PDE3A: variants seen among roughly 807,000 people sequenced by gnomAD.
PDE3A encodes the protein cGMP-inhibited 3',5'-cyclic phosphodiesterase 3A.
Under a neutral mutation model 98.3 loss-of-function variants are expected in PDE3A, and 43 were observed. The ratio of observed to expected loss-of-function variants is 0.44; its 90% confidence interval spans 0.34 to 0.56. The LOEUF (loss-of-function observed/expected upper bound fraction) is 0.56. Ranked by LOEUF, PDE3A falls within the 20% of genes least tolerant of loss-of-function variation. The probability of loss-of-function intolerance (pLI) is 0.01; values close to 1 mark genes in which losing one functional copy is unlikely to be tolerated. For synonymous variants in PDE3A, 663 were observed against 567.9 expected (o/e 1.17, Z -2.38); for missense variants, 1,427 against 1,440.7 (o/e 0.99, Z 0.15).
chr12:20,449,915 A>G (rs11045253), intron 1 of PDE3A: 207,872 of 761,088 alleles, frequency 0.27, 37,549 homozygotes, highest in Non-Finnish European at 0.28. Context: ...TTGAATGGGA[A>G]CTCTGCTGGA....
At chr12:20,596,564 G>A (rs964251820) in intron 2 of PDE3A, among the ~76,000 whole-genome samples, 23 of 152,082 alleles carry the variant, frequency 1.5e-4, no homozygotes, top group African/African-American at 4.8e-4. Context: ...AAATGAAGAC[G>A]GATGCCTTCC....
chr12:20,394,691 G>T (rs1943976124), intron 1 of PDE3A, among the ~76,000 whole-genome samples: 1 of 151,982 alleles, frequency 6.6e-6, no homozygotes, highest in Admixed American at 6.6e-5. Flanking sequence ...AATAAAACAT[G>T]CAAGAACTTG....
chr12:20,675,845 TTCTA>T (rs1246231844), intron 15 of PDE3A, among the ~76,000 whole-genome samples: 2 of 152,188 alleles, frequency 1.3e-5, no homozygotes. Context: ...TATCTGTCTT[TTCTA>T]TCTTTTACTT....
rs1313865956 is a variant in PDE3A at position 20,684,543 on chromosome 12, CT to C, written c.*4275del. Among the ~76,000 whole-genome samples, 2 of 152,154 alleles carry C rather than the reference CT, an allele frequency of 1.3e-5. No individual in the cohort carries two copies. The highest frequency in any genetic ancestry group is 2.9e-5 in the Non-Finnish European group (2 of 68,020). ...AATTGAAAGCTAAAATATCTATGTA[CT>C]TTGAAGCCAAACTGAGTTTATTTCA... On this transcript the variant is annotated 3_prime_UTR_variant, in exon 16 of 16. Coordinates refer to ENST00000359062, the MANE Select transcript of PDE3A (RefSeq NM_000921.5).
intron 6 of PDE3A, among the ~76,000 whole-genome samples, chr12:20,632,664 C>G (rs1019500982): frequency 8.6e-5 from 13 of 151,948 alleles, no homozygotes; most frequent in African/African-American, 3.1e-4. Context: ...CATTGCTCAC[C>G]TCTCTTACCT....
intron 2 of PDE3A, among the ~76,000 whole-genome samples, chr12:20,575,847 A>C (rs997936401): frequency 6.6e-6 from 1 of 151,768 alleles, no homozygotes; most frequent in Non-Finnish European, 1.5e-5. Context: ...TTAGTTTCTT[A>C]TGCACCTGAT....
chr12:20,449,727 G>T (rs1384508470), intron 1 of PDE3A: 8 of 476,536 alleles, frequency 1.7e-5, no homozygotes, highest in Non-Finnish European at 3.1e-5. Context: ...TATTCAGCTA[G>T]GTCAGCCTGA....
intron 1 of PDE3A, among the ~76,000 whole-genome samples, chr12:20,487,590 T>C (rs1945752506): frequency 6.6e-6 from 1 of 150,718 alleles, no homozygotes; most frequent in Non-Finnish European, 1.5e-5. Flanking sequence ...GAGGCAGAAG[T>C]TGTAGCGAGC....
At chr12:20,489,621 T>C (rs750121543) in intron 1 of PDE3A, among the ~76,000 whole-genome samples, 5 of 152,222 alleles carry the variant, frequency 3.3e-5, no homozygotes, top group African/African-American at 4.8e-5. Flanking sequence ...AACTGATGTT[T>C]TATATATGTG....
At chr12:20,548,465 G>T (rs1341280775) in intron 1 of PDE3A, among the ~76,000 whole-genome samples, 1 of 151,924 alleles carries the variant, frequency 6.6e-6, no homozygotes, top group African/African-American at 2.4e-5. Flanking sequence ...CCTGAATTAA[G>T]TAGTTATGTA....
chr12:20,669,277 A>C (rs981963747), intron 15 of PDE3A, among the ~76,000 whole-genome samples: 32 of 152,222 alleles, frequency 2.1e-4, no homozygotes, highest in Non-Finnish European at 7.3e-5. Flanking sequence ...AACATGCTGC[A>C]GGATATTATC....
intron 1 of PDE3A, among the ~76,000 whole-genome samples, chr12:20,538,075 A>G (rs550147409): frequency 6.6e-6 from 1 of 152,174 alleles, no homozygotes; most frequent in African/African-American, 2.4e-5. Context: ...TTCAGAGAAA[A>G]TTCAAAGTCA....
intron 1 of PDE3A, among the ~76,000 whole-genome samples, chr12:20,542,034 A>G (rs1941926436): frequency 6.6e-6 from 1 of 152,076 alleles, no homozygotes; most frequent in Non-Finnish European, 1.5e-5. Flanking sequence ...TAATGGGGCT[A>G]GTATATATTG....
chr12:20,388,426 G>A (rs11045204), intron 1 of PDE3A, among the ~76,000 whole-genome samples: 7,046 of 151,966 alleles, frequency 0.046, 293 homozygotes, highest in East Asian at 0.16. Flanking sequence ...CATATATACC[G>A]AAACATGTTT....
chr12:20,636,257 C>T (rs981199165), intron 8 of PDE3A, among the ~76,000 whole-genome samples: 1 of 152,138 alleles, frequency 6.6e-6, no homozygotes, highest in African/African-American at 2.4e-5. Flanking sequence ...ATATTTGAGT[C>T]AGCTTCATTT....
chr12:20,402,970 G>A (rs754582765), intron 1 of PDE3A, among the ~76,000 whole-genome samples: 36 of 152,082 alleles, frequency 2.4e-4, no homozygotes, highest in Non-Finnish European at 4.1e-4. Flanking sequence ...TTTGATGAAA[G>A]GAAGTTACAT....
chr12:20,423,377 C>G (rs1443450423), intron 1 of PDE3A, among the ~76,000 whole-genome samples: 1 of 152,168 alleles, frequency 6.6e-6, no homozygotes, highest in Admixed American at 6.6e-5. Flanking sequence ...CATATGTGCT[C>G]ATATCTGTTT....
intron 15 of PDE3A, among the ~76,000 whole-genome samples, chr12:20,672,629 G>T: frequency 7.6e-6 from 1 of 131,128 alleles, no homozygotes; most frequent in Non-Finnish European, 1.6e-5. Flanking sequence ...ATGGTGCTGG[G>T]AAAACTGGCT....
chr12:20,607,487 A>C (rs1943740246), intron 2 of PDE3A, among the ~76,000 whole-genome samples: 2 of 151,968 alleles, frequency 1.3e-5, no homozygotes, highest in African/African-American at 4.8e-5. Context: ...AAAATGGTGA[A>C]TTTACCAAAA....
Sources: allele counts gnomAD v4.1 joint callset (sites outside exome capture counted in the v4.1 genomes callset), GRCh38; gene constraint gnomAD v4.1.1; transcripts MANE v1.5; gene names NCBI Gene and HGNC (gene_info 2026-07-23, HGNC 2026-07-21).